The following SLX4IP variants were observed in gnomAD, a reference collection of about 807,000 sequenced individuals.
SLX4IP encodes the protein protein SLX4IP.
A neutral mutation model predicts 32.9 loss-of-function variants in SLX4IP; 34 were observed. The observed-to-expected ratio is 1.03, with a 90% CI of 0.79 to 1.38. SLX4IP has a LOEUF of 1.38. SLX4IP is among the 40% of genes most tolerant of loss of function. The probability of loss-of-function intolerance (pLI) is 0.00; values close to 1 mark genes in which losing one functional copy is unlikely to be tolerated. For synonymous variants in SLX4IP, 172 were observed against 171.7 expected (o/e 1.00, Z -0.01); for missense variants, 444 against 479.0 (o/e 0.93, Z 0.68).
chr20:10,483,791 C>G (rs148882738), intron 2 of SLX4IP, among the ~76,000 whole-genome samples: 9 of 109,462 alleles, frequency 8.2e-5, no homozygotes, highest in Admixed American at 2.6e-4. Context: ...CCCCTCCCCC[C>G]ACCCTTCTCT....
chr20:10,571,612 G>T (rs2066467025), intron 4 of SLX4IP, among the ~76,000 whole-genome samples: 1 of 152,094 alleles, frequency 6.6e-6, no homozygotes, highest in South Asian at 2.1e-4. Context: ...TCACCCTCTG[G>T]TGTAGCAGCA....
chr20:10,569,111 G>A (rs942496139), intron 4 of SLX4IP, among the ~76,000 whole-genome samples: 16 of 151,904 alleles, frequency 1.1e-4, no homozygotes, highest in East Asian at 9.7e-4. Flanking sequence ...AAATAAGTCC[G>A]TGTACTGACC....
intron 2 of SLX4IP, among the ~76,000 whole-genome samples, chr20:10,472,970 TG>T (rs1354497921): frequency 6.6e-6 from 1 of 152,236 alleles, no homozygotes; most frequent in African/African-American, 2.4e-5. Flanking sequence ...CAAACAAAAC[TG>T]TTAAGTTTGT....
chr20:10,583,147 A>G (rs1490239615), intron 4 of SLX4IP, among the ~76,000 whole-genome samples: 1 of 152,226 alleles, frequency 6.6e-6, no homozygotes, highest in Non-Finnish European at 1.5e-5. Flanking sequence ...ATGCTCATCT[A>G]TTCCCTGCTC....
intron 1 of SLX4IP, among the ~76,000 whole-genome samples, chr20:10,436,659 C>T (rs2065118406): frequency 6.6e-6 from 1 of 152,068 alleles, no homozygotes; most frequent in Admixed American, 6.5e-5. Flanking sequence ...CCGGCCTGGC[C>T]CATTCTTTGT....
At chr20:10,495,074 A>C (rs1234676859) in intron 2 of SLX4IP, among the ~76,000 whole-genome samples, 1 of 152,222 alleles carries the variant, frequency 6.6e-6, no homozygotes, top group Non-Finnish European at 1.5e-5. Flanking sequence ...TCAAAACATC[A>C]CATTGTACTG....
At chr20:10,589,906 A>G (rs973669029) in intron 4 of SLX4IP, among the ~76,000 whole-genome samples, 2 of 151,928 alleles carry the variant, frequency 1.3e-5, no homozygotes, top group Non-Finnish European at 2.9e-5. Context: ...TTAAAAATAC[A>G]TTGAGTCTAT....
intron 2 of SLX4IP, among the ~76,000 whole-genome samples, chr20:10,548,711 G>C (rs36025432): frequency 0.11 from 17,032 of 152,264 alleles, 1,118 homozygotes; most frequent in South Asian, 0.27. Context: ...AAGAGAAAGA[G>C]TGCTTTTAAA....
chr20:10,536,074 G>C (rs2066040689), intron 2 of SLX4IP, among the ~76,000 whole-genome samples: 1 of 152,232 alleles, frequency 6.6e-6, no homozygotes, highest in Non-Finnish European at 1.5e-5. Flanking sequence ...ACTTGAACCT[G>C]AATGTAGAAT....
chr20:10,491,151 A>G (rs183358752), intron 2 of SLX4IP, among the ~76,000 whole-genome samples: 10 of 152,286 alleles, frequency 6.6e-5, no homozygotes, highest in South Asian at 2.1e-4. Context: ...ATTCTTTAAA[A>G]TAATTTGTGT....
intron 2 of SLX4IP, among the ~76,000 whole-genome samples, chr20:10,500,833 AG>A (rs1654138309): frequency 6.6e-6 from 1 of 152,244 alleles, no homozygotes; most frequent in South Asian, 2.1e-4. Context: ...ATGATGTCTC[AG>A]GTACTCATTT....
chr20:10,582,138 G>A lies in SLX4IP; in HGVS notation c.239-16537G>A, dbSNP rs374338599. ...AAAAATATCTAAATAAAAGGAAAGT[G>A]AAGTTTTCATGGAATGACAGGGCTG... is the stretch of plus-strand genomic sequence containing the variant. On this transcript the variant is annotated intron_variant, in intron 4 of 7. Coordinates refer to ENST00000334534, the MANE Select transcript of SLX4IP (RefSeq NM_001009608.3). Among the ~76,000 whole-genome samples the A allele has an allele frequency of 1.6e-4, 24 of 152,280 alleles. 1 individual carries two copies. In the East Asian group the frequency reaches 2.7e-3, roughly 17 times the overall value.
intron 6 of SLX4IP, among the ~76,000 whole-genome samples, chr20:10,620,588 C>T (rs1764489349): frequency 6.6e-6 from 1 of 151,978 alleles, no homozygotes; most frequent in African/African-American, 2.4e-5. Context: ...GAGTCTCGCT[C>T]TGTTGCCCAG....
chr20:10,522,717 T>A (rs965490427), intron 2 of SLX4IP, among the ~76,000 whole-genome samples: 1 of 152,214 alleles, frequency 6.6e-6, no homozygotes, highest in Non-Finnish European at 1.5e-5. Context: ...CTACTGGTCC[T>A]GTTTCTCACA....
rs1339701477 is a variant in SLX4IP at position 10,626,077 on chromosome 20, C to G, written c.*2698C>G. On this transcript the variant is annotated 3_prime_UTR_variant, in exon 8 of 8. Coordinates refer to ENST00000334534, the MANE Select transcript of SLX4IP (RefSeq NM_001009608.3). ...TCGCCCAGGCTGGAGTGCAGTGGGG[C>G]GATCTTGGCTCACTGCAAGCTCCGC... The G allele has an allele frequency of 4.6e-5, 6 of 129,492 alleles. No individual in the cohort carries two copies. The highest frequency in any genetic ancestry group is 1.8e-4 in the African/African-American group (6 of 33,692). The allele number at this position is 129,492 out of a possible 1,614,324, so 8.0% of individuals were successfully genotyped here. A position where few individuals can be genotyped will look rare whatever the true frequency, so the allele number is the denominator to read the frequency against.
chr20:10,516,655 C>T (rs2065852238), intron 2 of SLX4IP, among the ~76,000 whole-genome samples: 1 of 152,178 alleles, frequency 6.6e-6, no homozygotes, highest in Admixed American at 6.5e-5. Flanking sequence ...CAGAAGCTCA[C>T]CCCATCAAAG....
At chr20:10,602,972 C>T (rs1373626065) in intron 6 of SLX4IP, among the ~76,000 whole-genome samples, 3 of 152,314 alleles carry the variant, frequency 2.0e-5, no homozygotes, top group Non-Finnish European at 2.9e-5. Context: ...ATCAGTCAAA[C>T]TCTTAAGAAT....
Position 10,566,283 on chromosome 20 carries a change from ATTTTTT to A in SLX4IP, c.238+5486_238+5491del, listed in dbSNP as rs59907123. ...TGTTTCACCAGGTAGAACTGATTACATTTTTTTTTTTTTTTTTTTTTTTTTTTTGTC... is the reference window on the plus strand; with the variant it reads ...TGTTTCACCAGGTAGAACTGATTACATTTTTTTTTTTTTTTTTTTTTTGTC... On this transcript the variant is annotated intron_variant, in intron 4 of 7. Transcript: ENST00000334534. Among the ~76,000 whole-genome samples, 787 of 97,912 alleles carry A rather than the reference ATTTTTT, an allele frequency of 8.0e-3. 6 individuals are homozygous for A. Among genetic ancestry groups the A allele is most frequent in the African/African-American group, 0.033 (747 of 22,378 alleles). The allele number at this position is 97,912 out of a possible 152,430, so 64.2% of individuals were successfully genotyped here. A position where few individuals can be genotyped will look rare whatever the true frequency, so the allele number is the denominator to read the frequency against.
In SLX4IP at chr20:10,626,200, T is replaced by TG. The variant is rs1415198099; in HGVS notation, c.*2821_*2822insG. The TG allele has an allele frequency of 4.2e-5, 6 of 144,494 alleles. No individual in the cohort carries two copies. Among genetic ancestry groups the TG allele is most frequent in the Non-Finnish European group, 9.1e-5 (6 of 65,620 alleles). The allele number at this position is 144,494 out of a possible 1,614,324, so 9.0% of individuals were successfully genotyped here. Reference sequence around the variant, plus strand: ...CGGCTAATTTTTTGTATTTTTTTTTTTTTTTTTTTTTTTTTAGCAGAAACG... The same window carrying TG: ...CGGCTAATTTTTTGTATTTTTTTTTTGTTTTTTTTTTTTTTTAGCAGAAACG... On this transcript the variant is annotated 3_prime_UTR_variant, in exon 8 of 8. Transcript: ENST00000334534.
Sources: gnomAD v4.1 joint callset for allele counts (sites outside exome capture counted in the v4.1 genomes callset) on GRCh38, gnomAD v4.1.1 for gene constraint, MANE v1.5 for transcripts, NCBI Gene and HGNC (gene_info 2026-07-23, HGNC 2026-07-21) for gene names.